ASIC2: variants seen among roughly 807,000 people sequenced by gnomAD.
ASIC2 encodes acid-sensing ion channel 2.
ASIC2 carries 25 observed loss-of-function variants against 57.3 expected under a neutral mutation model. The observed-to-expected ratio is 0.44, with a 90% CI of 0.32 to 0.61. The LOEUF (loss-of-function observed/expected upper bound fraction) is 0.61. ASIC2 is among the 20% of genes least tolerant of loss of function. The pLI is 0.06. For synonymous variants in ASIC2, 319 were observed against 307.5 expected (o/e 1.04, Z -0.39); for missense variants, 641 against 738.1 (o/e 0.87, Z 1.52).
intron 1 of ASIC2, among the ~76,000 whole-genome samples, chr17:33,632,200 C>A (rs1906196537): frequency 6.6e-6 from 1 of 152,134 alleles, no homozygotes; most frequent in Non-Finnish European, 1.5e-5. Context: ...TGATATAATG[C>A]ACGGAAATCC....
rs115119912 is a variant in ASIC2 at position 33,485,301 on chromosome 17, G to A, written c.556-373234C>T. Among the ~76,000 whole-genome samples the A allele has an allele frequency of 2.1e-3, 318 of 152,346 alleles. 2 individuals carry two copies. The highest frequency in any genetic ancestry group is 7.4e-3 in the African/African-American group (309 of 41,588). On this transcript the variant is annotated intron_variant, in intron 1 of 9. Coordinates refer to the ASIC2 transcript ENST00000359872. ...CTGAGTAAAGTGCAAAGCAGACATG[G>A]TTAGGAATGGCTGCCCAGGGTCAAG...
chr17:33,386,642 G>A (rs1048346645), intron 1 of ASIC2, among the ~76,000 whole-genome samples: 2 of 152,182 alleles, frequency 1.3e-5, no homozygotes, highest in Admixed American at 1.3e-4. Context: ...CCAACCAGGA[G>A]CAAGAGTGAT....
chr17:33,363,276 C>T (rs1388122844), intron 1 of ASIC2, among the ~76,000 whole-genome samples: 1 of 152,158 alleles, frequency 6.6e-6, no homozygotes, highest in African/African-American at 2.4e-5. Context: ...CAGCCTGCAC[C>T]CAGCCTCTCA....
At chr17:33,883,723 C>T (rs1456699853) in intron 1 of ASIC2, among the ~76,000 whole-genome samples, 2 of 152,240 alleles carry the variant, frequency 1.3e-5, no homozygotes, top group East Asian at 1.9e-4. Context: ...TCCCTTCTCC[C>T]TGCCCCCTCA....
At chr17:33,327,863 T>A (rs1022669602) in intron 1 of ASIC2, among the ~76,000 whole-genome samples, 2 of 152,162 alleles carry the variant, frequency 1.3e-5, no homozygotes, top group Admixed American at 6.5e-5. Context: ...TAGGCCCTAA[T>A]GGCTGGTATT....
At chr17:33,142,653 T>A (rs1904366443) in intron 1 of ASIC2, among the ~76,000 whole-genome samples, 1 of 152,156 alleles carries the variant, frequency 6.6e-6, no homozygotes, top group Non-Finnish European at 1.5e-5. Flanking sequence ...GAATGTTAAG[T>A]CCCTCACTAG....
At chr17:33,281,522 A>T (rs1265271733) in intron 1 of ASIC2, among the ~76,000 whole-genome samples, 1 of 152,138 alleles carries the variant, frequency 6.6e-6, no homozygotes, top group Non-Finnish European at 1.5e-5. Context: ...CTCAATAATA[A>T]AGGGATTAAC....
chr17:33,793,161 C>T (rs542638614), intron 1 of ASIC2, among the ~76,000 whole-genome samples: 1 of 152,322 alleles, frequency 6.6e-6, no homozygotes, highest in South Asian at 2.1e-4. Context: ...TAAAATCTGT[C>T]TAGTCTAGCC....
At chr17:34,136,200 A>C (rs1912121340) in intron 1 of ASIC2, among the ~76,000 whole-genome samples, 1 of 152,226 alleles carries the variant, frequency 6.6e-6, no homozygotes, top group African/African-American at 2.4e-5. Flanking sequence ...CTGACGTAAC[A>C]TCACATGACA....
intron 2 of ASIC2, among the ~76,000 whole-genome samples, chr17:33,106,198 G>T (rs1325490533): frequency 6.6e-6 from 1 of 152,122 alleles, no homozygotes; most frequent in African/African-American, 2.4e-5. Flanking sequence ...ACTAGAGCCA[G>T]GTTAACAAGG....
At chr17:33,586,393 C>T (rs923532500) in intron 1 of ASIC2, among the ~76,000 whole-genome samples, 2 of 152,116 alleles carry the variant, frequency 1.3e-5, no homozygotes, top group African/African-American at 4.8e-5. Context: ...TAACTAGCAT[C>T]TCTGCTTCAT....
Position 33,269,890 on chromosome 17 carries a change from G to C in ASIC2, c.708+21518C>G, listed in dbSNP as rs147487730. On this transcript the variant is annotated intron_variant, in intron 1 of 9. Transcript: ENST00000225823. ...TAAAGTTCAATCACTTCTTTAGGGA[G>C]AGCAGAGGAATAGTTCCGTATCTGA... 4.1e-3 allele frequency among the ~76,000 whole-genome samples: 620 copies of C among 152,290 alleles called. 9 individuals are homozygous for C. Among genetic ancestry groups the C allele is most frequent in the African/African-American group, 0.014 (597 of 41,560 alleles).
intron 2 of ASIC2, among the ~76,000 whole-genome samples, chr17:33,102,891 C>T (rs1227620144): frequency 6.6e-6 from 1 of 152,196 alleles, no homozygotes; most frequent in Admixed American, 6.5e-5. Context: ...TCACGCCATT[C>T]TCCTGCCTCA....
intron 1 of ASIC2, among the ~76,000 whole-genome samples, chr17:33,934,678 A>G (rs970665473): frequency 1.3e-5 from 2 of 152,238 alleles, no homozygotes; most frequent in South Asian, 2.1e-4. Flanking sequence ...AGATGCTTCT[A>G]GTGAAACCCA....
At chr17:33,665,278 A>T (rs1156512282) in intron 1 of ASIC2, among the ~76,000 whole-genome samples, 1 of 152,238 alleles carries the variant, frequency 6.6e-6, no homozygotes, top group Admixed American at 6.5e-5. Flanking sequence ...GCATAAATGC[A>T]TATACATATT....
chr17:33,681,583 A>G (rs545587002), intron 1 of ASIC2, among the ~76,000 whole-genome samples: 6 of 152,012 alleles, frequency 3.9e-5, no homozygotes, highest in Non-Finnish European at 8.8e-5. Flanking sequence ...ATGATGCCCA[A>G]CTCCTTGCAG....
chr17:33,036,225 A>T (rs188231437), intron 3 of ASIC2, among the ~76,000 whole-genome samples: 2 of 152,156 alleles, frequency 1.3e-5, no homozygotes, highest in East Asian at 3.9e-4. Context: ...TCCTATTATC[A>T]TGTTATTGAT....
chr17:33,994,974 A>G (rs9898537), intron 1 of ASIC2, among the ~76,000 whole-genome samples: 12,988 of 152,188 alleles, frequency 0.085, 1,568 homozygotes, highest in African/African-American at 0.27. Flanking sequence ...TTTCACATAT[A>G]GACCCTTCCT....
At chr17:33,092,030 C>G (rs1690744975) in intron 2 of ASIC2, among the ~76,000 whole-genome samples, 1 of 152,240 alleles carries the variant, frequency 6.6e-6, no homozygotes, top group African/African-American at 2.4e-5. Context: ...GACTACAGCC[C>G]TCCCAGAGCT....
Sources: allele counts gnomAD v4.1 joint callset (sites outside exome capture counted in the v4.1 genomes callset), GRCh38; gene constraint gnomAD v4.1.1; transcripts MANE v1.5; gene names NCBI Gene and HGNC (gene_info 2026-07-23, HGNC 2026-07-21).